CAB39L: variants seen among roughly 807,000 people sequenced by gnomAD.
The protein encoded by CAB39L is calcium-binding protein 39-like.
In CAB39L, 23 loss-of-function variants were observed where a neutral mutation model predicts 39.1. That is an observed-to-expected ratio of 0.59 (90% CI 0.42 to 0.83). The LOEUF is 0.83. Among genes scored for constraint, CAB39L ranks in the 40% least tolerant of loss-of-function variants. The pLI is 0.00. For synonymous variants in CAB39L, 126 were observed against 137.2 expected, an observed-to-expected ratio of 0.92 and a Z score of 0.57; for missense variants, 366 against 391.9, an observed-to-expected ratio of 0.93 and a Z score of 0.56.
chr13:49,337,730 GCGCACACACACA>G (rs1482431032), intron 9 of CAB39L, among the ~76,000 whole-genome samples: 1 of 85,362 alleles, frequency 1.2e-5, no homozygotes, highest in African/African-American at 5.4e-5. Context: ...AGCTGCTCTG[GCGCACACACACA>G]CACACACACA....
chr13:49,314,580 A>G (rs886923145), intron 10 of CAB39L, among the ~76,000 whole-genome samples: 3 of 152,168 alleles, frequency 2.0e-5, no homozygotes, highest in Non-Finnish European at 2.9e-5. Flanking sequence ...TAACCCTCAC[A>G]ACAGCCCTGA....
intron 3 of CAB39L, among the ~76,000 whole-genome samples, chr13:49,409,238 G>A (rs1242711519): frequency 6.6e-6 from 1 of 152,168 alleles, no homozygotes; most frequent in Admixed American, 6.6e-5. Context: ...GATTCAGGCA[G>A]CATGCATAAC....
chr13:49,365,212 C>T lies in CAB39L; in HGVS notation c.277-5380G>A, dbSNP rs190689155. Among the ~76,000 whole-genome samples, 12 of 152,174 alleles carry T rather than the reference C, an allele frequency of 7.9e-5. No individual in the cohort carries two copies. The East Asian group carries it at 2.3e-3, about 29-fold the overall frequency. ...TACATTGAGGGGAAAAGACAGTCTTCAACAAATAGTGCAGAGAAAACTGAA... is the reference window on the plus strand; with the variant it reads ...TACATTGAGGGGAAAAGACAGTCTTTAACAAATAGTGCAGAGAAAACTGAA... On this transcript the variant is annotated intron_variant, in intron 5 of 10. Coordinates refer to ENST00000409308, the MANE Select transcript of CAB39L (RefSeq NM_001079670.3).
chr13:49,326,852 A>G (rs1013467685), intron 10 of CAB39L, among the ~76,000 whole-genome samples: 4 of 152,194 alleles, frequency 2.6e-5, no homozygotes, highest in Non-Finnish European at 4.4e-5. Context: ...TTCCTTCTAT[A>G]TATAATACTG....
chr13:49,310,993 C>A lies in CAB39L; in HGVS notation c.835G>T (p.Val279Leu). 1 of 1,612,022 alleles carries A rather than the reference C, an allele frequency of 6.2e-7. No homozygotes were observed. Among genetic ancestry groups the A allele is most frequent in the Non-Finnish European group, 8.5e-7 (1 of 1,178,850 alleles). The change falls in exon 11 of 11, where the codon GTG (valine) becomes TTG (leucine). Residue 279 changes from valine (V) to leucine (L), a missense_variant and splice_region_variant. Transcript: ENST00000409308. ...IQFEAFHVFK[V>L]FVASPHKTQP... ...GTTTTGTGAGGACTGGCCACAAACA[C>A]CTGAAACAAAAAGAAACAAATACTT...
Position 49,310,877 on chromosome 13 carries a change from C to G in CAB39L, c.951G>C (p.Gln317His). 2 of 1,614,190 alleles carry G rather than the reference C, an allele frequency of 1.2e-6. No homozygotes were observed. The highest frequency in any genetic ancestry group is 1.7e-6 in the Non-Finnish European group (2 of 1,180,044). Residue 317 changes from glutamine to histidine, a missense_variant, in exon 11 of 11, where the codon CAG (glutamine) becomes CAC (histidine). Gln to His is a conservative substitution (Grantham distance 24, BLOSUM62 0). Coordinates refer to ENST00000409308, the MANE Select transcript of CAB39L (RefSeq NM_001079670.3). ...TCAAGTAGTTCTTCTCGTCAGCGAA[C>G]TGCTCATCATCCGTCCTTTCTTTTT... ...SFQKERTDDEQFADEKNYLIK... is the reference protein window; with the variant it reads ...SFQKERTDDEHFADEKNYLIK...
intron 10 of CAB39L, among the ~76,000 whole-genome samples, chr13:49,313,708 T>C (rs11616323): frequency 0.1 from 15,198 of 152,240 alleles, 1,025 homozygotes; most frequent in Non-Finnish European, 0.14. Flanking sequence ...AGAATGCAGA[T>C]CAAAGTGTCT....
intron 1 of CAB39L, among the ~76,000 whole-genome samples, chr13:49,440,714 CAGTG>C (rs1009209787): frequency 1.1e-4 from 12 of 106,070 alleles, no homozygotes; most frequent in East Asian, 1.1e-3. Context: ...TATTCCTAGG[CAGTG>C]TGTGTGTGTG....
At chr13:49,365,665 G>A (rs1955750507) in intron 5 of CAB39L, among the ~76,000 whole-genome samples, 1 of 152,172 alleles carries the variant, frequency 6.6e-6, no homozygotes, top group African/African-American at 2.4e-5. Flanking sequence ...GTGAGGATGT[G>A]GGGAAAAGGA....
chr13:49,408,446 T>C (rs1956926250), intron 3 of CAB39L, among the ~76,000 whole-genome samples: 1 of 152,032 alleles, frequency 6.6e-6, no homozygotes, highest in Non-Finnish European at 1.5e-5. Flanking sequence ...GAGCAATATA[T>C]CTGGGGGTCA....
chr13:49,442,728 T>A (rs115980214), intron 1 of CAB39L, among the ~76,000 whole-genome samples: 9,125 of 141,570 alleles, frequency 0.064, 420 homozygotes, highest in East Asian at 0.15. Context: ...GGAGGCAGAG[T>A]TGCAGTGAGC....
At chr13:49,332,149 C>A in intron 9 of CAB39L, 59 bp from the exon 10 acceptor site, 1 of 1,550,166 alleles carries the variant, frequency 6.5e-7, no homozygotes. Context: ...CAAAATATAG[C>A]TCACGTCTTC....
At chr13:49,342,118 T>A (rs939042675) in intron 8 of CAB39L, among the ~76,000 whole-genome samples, 2 of 152,158 alleles carry the variant, frequency 1.3e-5, no homozygotes, top group Non-Finnish European at 2.9e-5. Flanking sequence ...ATAGGCAGAG[T>A]AGGCCACACC....
intron 3 of CAB39L, among the ~76,000 whole-genome samples, chr13:49,430,514 T>A (rs1042438617): frequency 2.6e-5 from 4 of 152,230 alleles, no homozygotes; most frequent in Non-Finnish European, 4.4e-5. Flanking sequence ...AAAAAGTTAC[T>A]GGGTTTTTCT....
At chr13:49,330,798 A>T (rs1954669468) in intron 10 of CAB39L, among the ~76,000 whole-genome samples, 1 of 151,720 alleles carries the variant, frequency 6.6e-6, no homozygotes, top group East Asian at 1.9e-4. Flanking sequence ...AGAATCTTAA[A>T]TATTAAAAAA....
At chr13:49,435,811 T>C (rs1451338912) in intron 1 of CAB39L, among the ~76,000 whole-genome samples, 2 of 152,190 alleles carry the variant, frequency 1.3e-5, no homozygotes, top group Non-Finnish European at 2.9e-5. Context: ...TGGAACATCT[T>C]TTATATGTCT....
chr13:49,322,486 A>C (rs1288886690), intron 10 of CAB39L, among the ~76,000 whole-genome samples: 4 of 152,230 alleles, frequency 2.6e-5, no homozygotes, highest in African/African-American at 4.8e-5. Context: ...TACAGCAGTA[A>C]TCGCTTTCCC....
At chr13:49,426,903 G>A (rs78566604) in intron 3 of CAB39L, among the ~76,000 whole-genome samples, 5 of 152,118 alleles carry the variant, frequency 3.3e-5, no homozygotes, top group Admixed American at 2.6e-4. Flanking sequence ...ACTTATGAAG[G>A]TTGAGGAAAA....
chr13:49,430,877 A>G (rs1285750754), intron 3 of CAB39L, among the ~76,000 whole-genome samples: 1 of 152,252 alleles, frequency 6.6e-6, no homozygotes, highest in Non-Finnish European at 1.5e-5. Flanking sequence ...TTTTCATAGA[A>G]TTGCACTGAA....
Sources: gnomAD v4.1 joint callset for allele counts (sites outside exome capture counted in the v4.1 genomes callset) on GRCh38, gnomAD v4.1.1 for gene constraint, MANE v1.5 for transcripts, NCBI Gene and HGNC (gene_info 2026-07-23, HGNC 2026-07-21) for gene names.